Variants in OPCML observed in about 807,000 individuals in gnomAD.
OPCML encodes the protein opioid binding protein/cell adhesion molecule like, also known as opioid-binding protein/cell adhesion molecule.
OPCML carries 13 observed loss-of-function variants against 37.8 expected under a neutral mutation model. The ratio of observed to expected loss-of-function variants is 0.34; its 90% CI spans 0.22 to 0.55. OPCML has a LOEUF of 0.55. Ranked by LOEUF, OPCML falls within the 20% of genes least tolerant of loss-of-function variation. The pLI is 0.91. For missense variants in OPCML, 341 were observed against 435.6 expected (o/e 0.78, Z 1.93); for synonymous variants, 176 against 168.8 (o/e 1.04, Z -0.33).
chr11:132,837,207 G>A (rs898487625), intron 2 of OPCML, among the ~76,000 whole-genome samples: 22 of 152,058 alleles, frequency 1.4e-4, no homozygotes, highest in African/African-American at 5.1e-4. Context: ...ACAGCTACTC[G>A]GGAGGCTGAG....
At chr11:133,486,654 T>C (rs1019193045) in intron 1 of OPCML, among the ~76,000 whole-genome samples, 8 of 152,004 alleles carry the variant, frequency 5.3e-5, no homozygotes, top group African/African-American at 1.9e-4. Context: ...AAGATACTAA[T>C]GATTCTCAAA....
chr11:133,165,759 T>C (rs1311964322), intron 1 of OPCML, among the ~76,000 whole-genome samples: 1 of 152,174 alleles, frequency 6.6e-6, no homozygotes, highest in Non-Finnish European at 1.5e-5. Context: ...CCCCAGGCTC[T>C]TGATTACTGG....
intron 1 of OPCML, among the ~76,000 whole-genome samples, chr11:133,500,118 C>T (rs1422570110): frequency 6.6e-6 from 1 of 152,100 alleles, no homozygotes; most frequent in Admixed American, 6.5e-5. Flanking sequence ...GATCCATCCA[C>T]CTCAGCCTCC....
chr11:133,464,908 C>T (rs549050877), intron 1 of OPCML, among the ~76,000 whole-genome samples: 202 of 152,174 alleles, frequency 1.3e-3, no homozygotes, highest in African/African-American at 4.7e-3. Flanking sequence ...CCCTTAGACT[C>T]GGGTACCGCA....
chr11:133,078,419 G>A (rs985321715), intron 1 of OPCML, among the ~76,000 whole-genome samples: 1 of 152,218 alleles, frequency 6.6e-6, no homozygotes, highest in Admixed American at 6.5e-5. Flanking sequence ...GACTACAGCA[G>A]AGACTGAGGA....
intron 2 of OPCML, among the ~76,000 whole-genome samples, chr11:132,877,822 G>C (rs1205313194): frequency 6.6e-6 from 1 of 152,188 alleles, no homozygotes; most frequent in African/African-American, 2.4e-5. Context: ...CTCTTGACTA[G>C]AGCAACGTAA....
At chr11:132,494,359 G>A (rs1030420208) in intron 4 of OPCML, among the ~76,000 whole-genome samples, 1 of 152,228 alleles carries the variant, frequency 6.6e-6, no homozygotes, top group Admixed American at 6.5e-5. Flanking sequence ...TGGGCATTTT[G>A]AAAAAGTATG....
chr11:133,487,775 TTGTGTGTG>T (rs10625092), intron 1 of OPCML, among the ~76,000 whole-genome samples: 55 of 147,360 alleles, frequency 3.7e-4, no homozygotes, highest in African/African-American at 7.2e-4. Context: ...TACTCTGTGT[TTGTGTGTG>T]TGTGTGTGTG....
chr11:132,515,313 A>G (rs2137207873), intron 4 of OPCML, among the ~76,000 whole-genome samples: 1 of 152,268 alleles, frequency 6.6e-6, no homozygotes, highest in African/African-American at 2.4e-5. Flanking sequence ...AGGAAAAACA[A>G]AAGACAGGCA....
At chr11:133,480,359 T>C (rs1190436751) in intron 1 of OPCML, among the ~76,000 whole-genome samples, 27 of 152,250 alleles carry the variant, frequency 1.8e-4, no homozygotes, top group Admixed American at 1.7e-3. Context: ...CCTGGAGTGG[T>C]AGAACCAGGC....
chr11:132,912,587 T>C lies in OPCML; in HGVS notation c.146+30339A>G, dbSNP rs185124145. Among the ~76,000 whole-genome samples, 225 of 152,344 alleles carry C rather than the reference T, an allele frequency of 1.5e-3. 1 individual carries two copies. The highest frequency in any genetic ancestry group is 5.1e-3 in the African/African-American group (210 of 41,584). The stretch of plus-strand genomic sequence containing the variant: ...ATGAAATGAAAGGAAAACTCTAAAA[T>C]GGATTAGAAAAATATCACCAAGACA... On this transcript the variant is annotated intron_variant, in intron 2 of 7. Transcript: ENST00000524381.
intron 3 of OPCML, among the ~76,000 whole-genome samples, chr11:132,578,926 T>C (rs1323737774): frequency 6.6e-6 from 1 of 151,864 alleles, no homozygotes; most frequent in African/African-American, 2.4e-5. Context: ...AATTTGTGCT[T>C]CTCCCTGAAT....
chr11:132,721,865 AC>A (rs1258485047), intron 2 of OPCML, among the ~76,000 whole-genome samples: 3 of 151,130 alleles, frequency 2.0e-5, no homozygotes, highest in Non-Finnish European at 4.4e-5. Flanking sequence ...AAAAACAAGA[AC>A]CTGTTTGAAA....
At chr11:132,433,702 C>G (rs1435410064) in intron 7 of OPCML, among the ~76,000 whole-genome samples, 1 of 152,062 alleles carries the variant, frequency 6.6e-6, no homozygotes, top group Non-Finnish European at 1.5e-5. Context: ...AGGGTGGGAC[C>G]CTGATCCAAT....
intron 2 of OPCML, among the ~76,000 whole-genome samples, chr11:132,724,017 G>A (rs1166575524): frequency 6.6e-6 from 1 of 152,188 alleles, no homozygotes; most frequent in Non-Finnish European, 1.5e-5. Context: ...CTGCCCAGTT[G>A]TTCTGGTGTG....
intron 1 of OPCML, among the ~76,000 whole-genome samples, chr11:133,054,220 C>T (rs899309001): frequency 2.0e-5 from 3 of 152,192 alleles, no homozygotes; most frequent in Non-Finnish European, 4.4e-5. Context: ...CCCTCTTATA[C>T]ATTGACAGAT....
intron 2 of OPCML, among the ~76,000 whole-genome samples, chr11:132,673,177 C>T (rs1234651693): frequency 1.3e-5 from 2 of 152,300 alleles, no homozygotes; most frequent in Admixed American, 6.5e-5. Context: ...GTGGTATCGT[C>T]CTTCCTGACA....
intron 1 of OPCML, among the ~76,000 whole-genome samples, chr11:133,009,811 G>A (rs757617256): frequency 6.6e-6 from 1 of 152,134 alleles, no homozygotes; most frequent in African/African-American, 2.4e-5. Context: ...CTCACTGCTG[G>A]CCACTCACCT....
At position 133,157,215 on chromosome 11, in the gene OPCML, G is replaced by A. The variant is rs187234155; in HGVS notation, c.62-214205C>T. ...GCACACGGTGTACTGCGGGCACCAC[G>A]GGCAGGCTGTCATCATTATGAAAAA... On this transcript the variant is annotated intron_variant, in intron 1 of 7. Transcript: ENST00000524381. Among the ~76,000 whole-genome samples the A allele has an allele frequency of 1.4e-3, 214 of 152,256 alleles. 1 individual carries two copies. The highest frequency in any genetic ancestry group is 4.9e-3 in the African/African-American group (205 of 41,530).
Sources: allele counts gnomAD v4.1 joint callset (sites outside exome capture counted in the v4.1 genomes callset), GRCh38; gene constraint gnomAD v4.1.1; transcripts MANE v1.5; gene names NCBI Gene and HGNC (gene_info 2026-07-23, HGNC 2026-07-21).